SYNPO2: variants seen among roughly 807,000 people sequenced by gnomAD.
The protein encoded by SYNPO2 is synaptopodin 2.
Under a neutral mutation model 85.0 loss-of-function variants are expected in SYNPO2, and 56 were observed. The observed-to-expected ratio is 0.66, with a 90% confidence interval of 0.53 to 0.82. The LOEUF (loss-of-function observed/expected upper bound fraction) is 0.82. Ranked by LOEUF, SYNPO2 falls within the 40% of genes least tolerant of loss-of-function variation. SYNPO2 has a pLI of 0.00. For synonymous variants in SYNPO2, 602 were observed against 591.1 expected (o/e 1.02, Z -0.27); for missense variants, 1,575 against 1,534.2 (o/e 1.03, Z -0.44).
intron 1 of SYNPO2, among the ~76,000 whole-genome samples, chr4:118,970,966 A>C (rs1032865733): frequency 6.6e-6 from 1 of 152,164 alleles, no homozygotes; most frequent in African/African-American, 2.4e-5. Flanking sequence ...TTGACCCCCA[A>C]TGATACTTTG....
intron 4 of SYNPO2, among the ~76,000 whole-genome samples, chr4:119,040,472 T>C (rs1284134966): frequency 6.6e-6 from 1 of 152,220 alleles, no homozygotes; most frequent in Non-Finnish European, 1.5e-5. Flanking sequence ...TGTTCATCTA[T>C]TGTGCCAGCA....
At chr4:119,008,972 C>T (rs922266351) in intron 1 of SYNPO2, among the ~76,000 whole-genome samples, 28 of 152,224 alleles carry the variant, frequency 1.8e-4, no homozygotes, top group African/African-American at 6.3e-4. Flanking sequence ...ATGGAAATTT[C>T]ATCATATTTG....
In SYNPO2 at chr4:119,030,427, G is replaced by A. The variant is rs1159769946; in HGVS notation, c.1652G>A (p.Ser551Asn). ...TCGGTAAGAACGCAGAGCTCTGTGA[G>A]CAAAAGCTACATCGAGGTGAGTCAT... Reference protein sequence around the residue: ...EESVRTQSSVSKSYIEVSHGL... With the variant: ...EESVRTQSSVNKSYIEVSHGL... Residue 551 changes from serine (S) to asparagine (N), a missense_variant, in exon 4 of 5, where the codon AGC becomes AAC. Coordinates refer to ENST00000307142, the MANE Select transcript of SYNPO2 (RefSeq NM_133477.3). 1.2e-5 allele frequency: 19 copies of A among 1,614,176 alleles called. No individual in the cohort carries two copies. The highest frequency in any genetic ancestry group is 2.2e-5 in the East Asian group (1 of 44,878).
chr4:119,037,214 C>T (rs1327160124), intron 4 of SYNPO2: 5 of 1,520,932 alleles, frequency 3.3e-6, no homozygotes, highest in African/African-American at 2.8e-5. Context: ...AAAATAACAA[C>T]ATTCAAAGGA....
At chr4:119,000,806 T>C (rs1736794939) in intron 1 of SYNPO2, among the ~76,000 whole-genome samples, 1 of 152,216 alleles carries the variant, frequency 6.6e-6, no homozygotes, top group African/African-American at 2.4e-5. Context: ...AATTCAATTA[T>C]GTCATTTGCA....
At chr4:118,904,328 G>A (rs1284604177) in intron 1 of SYNPO2, among the ~76,000 whole-genome samples, 2 of 152,132 alleles carry the variant, frequency 1.3e-5, no homozygotes, top group Non-Finnish European at 2.9e-5. Flanking sequence ...CTTCTACTCA[G>A]TGATTTTTGA....
intron 1 of SYNPO2, among the ~76,000 whole-genome samples, chr4:118,946,954 G>C (rs1291198457): frequency 6.6e-6 from 1 of 152,206 alleles, no homozygotes; most frequent in Non-Finnish European, 1.5e-5. Flanking sequence ...TTGTTTCACT[G>C]AACTTATTAG....
intron 4 of SYNPO2, among the ~76,000 whole-genome samples, chr4:119,056,771 A>G (rs1578681725): frequency 1.3e-5 from 2 of 152,190 alleles, no homozygotes; most frequent in Non-Finnish European, 2.9e-5. Flanking sequence ...TGTGATCGTC[A>G]CCATATAAAT....
At chr4:118,897,185 A>G (rs1295641066) in intron 1 of SYNPO2, among the ~76,000 whole-genome samples, 1 of 152,160 alleles carries the variant, frequency 6.6e-6, no homozygotes, top group African/African-American at 2.4e-5. Flanking sequence ...GCATCAGGAG[A>G]GAGAAAGAGT....
chr4:119,047,163 C>T (rs561314044), intron 4 of SYNPO2, among the ~76,000 whole-genome samples: 1 of 152,248 alleles, frequency 6.6e-6, no homozygotes, highest in Admixed American at 6.5e-5. Flanking sequence ...CGGGTTCCAG[C>T]GATTCTCTTG....
chr4:118,934,539 G>A (rs886763450), intron 1 of SYNPO2, among the ~76,000 whole-genome samples: 1 of 152,122 alleles, frequency 6.6e-6, no homozygotes, highest in African/African-American at 2.4e-5. Flanking sequence ...GAAATGAAAT[G>A]CACCAAATAC....
At chr4:119,053,367 C>A (rs1230390393) in intron 4 of SYNPO2, among the ~76,000 whole-genome samples, 2 of 152,194 alleles carry the variant, frequency 1.3e-5, no homozygotes, top group African/African-American at 4.8e-5. Flanking sequence ...GGATCTCTAA[C>A]CTAAAATGGT....
intron 4 of SYNPO2, chr4:119,033,622 A>G: frequency 1.0e-6 from 1 of 985,450 alleles, no homozygotes; most frequent in Non-Finnish European, 1.2e-6. Flanking sequence ...TTGAGGGTAC[A>G]CAGTACCATT....
intron 1 of SYNPO2, among the ~76,000 whole-genome samples, chr4:118,851,612 T>C (rs1731421432): frequency 6.6e-6 from 1 of 152,276 alleles, no homozygotes; most frequent in African/African-American, 2.4e-5. Flanking sequence ...ACAATATTTA[T>C]TAACTTATTT....
At chr4:118,968,791 C>T (rs937834027) in intron 1 of SYNPO2, among the ~76,000 whole-genome samples, 1 of 152,198 alleles carries the variant, frequency 6.6e-6, no homozygotes, top group Non-Finnish European at 1.5e-5. Context: ...GTGGAGGCCT[C>T]TCTTTTCAAA....
At chr4:118,923,269 A>G (rs1733598939) in intron 1 of SYNPO2, among the ~76,000 whole-genome samples, 1 of 152,122 alleles carries the variant, frequency 6.6e-6, no homozygotes, top group African/African-American at 2.4e-5. Context: ...TGGAAGCCAT[A>G]ATCCTAAGCA....
chr4:119,033,458 C>G (rs1416088346), intron 4 of SYNPO2: 2 of 985,386 alleles, frequency 2.0e-6, no homozygotes, highest in Non-Finnish European at 2.4e-6. Flanking sequence ...AGACCTTTCT[C>G]AGATCTATTT....
Position 119,030,005 on chromosome 4 carries a change from T to C in SYNPO2, c.1230T>C (p.Val410=), listed in dbSNP as rs766423404. Residue 410 remains valine, a synonymous_variant, in exon 4 of 5, where the codon GTT becomes GTC. Coordinates refer to ENST00000307142, the MANE Select transcript of SYNPO2 (RefSeq NM_133477.3). ...GGAGGGCCAGGAAATACACCCTAGT[T>C]AGCTACGGTACTGGCGAGCTTGAGC... ...RRRRARKYTL[V]SYGTGELERE... 1.9e-6 allele frequency: 3 copies of C among 1,614,020 alleles called. No homozygotes were observed. Among genetic ancestry groups the C allele is most frequent in the Non-Finnish European group, 2.5e-6 (3 of 1,179,994 alleles).
intron 1 of SYNPO2, among the ~76,000 whole-genome samples, chr4:118,931,020 T>C (rs954600819): frequency 3.9e-5 from 6 of 152,072 alleles, no homozygotes; most frequent in Non-Finnish European, 8.8e-5. Flanking sequence ...ATTTATTGAA[T>C]TGAATTAAGG....
Sources: allele counts gnomAD v4.1 joint callset (sites outside exome capture counted in the v4.1 genomes callset), GRCh38; gene constraint gnomAD v4.1.1; transcripts MANE v1.5; gene names NCBI Gene and HGNC (gene_info 2026-07-23, HGNC 2026-07-21).